Variants in DMD observed in about 807,000 individuals in gnomAD.
DMD encodes mutant dystrophin.
A neutral mutation model predicts 330.1 loss-of-function variants in DMD; 63 were observed. That is an observed-to-expected ratio of 0.19 (90% CI 0.16 to 0.24). The LOEUF is 0.24. Ranked by LOEUF, DMD falls within the 10% of genes least tolerant of loss-of-function variation. The pLI is 1.00. For missense variants in DMD, 3,344 were observed against 2,684.1 expected (o/e 1.25, Z -5.43); for synonymous variants, 1,223 against 959.8 (o/e 1.27, Z -5.07).
At chrX:33,012,623 G>A (rs1005332756) in intron 2 of DMD, among the ~76,000 whole-genome samples, 1 of 111,248 alleles carries the variant, frequency 9.0e-6, no homozygotes, top group African/African-American at 3.3e-5. Context: ...AGTAGAAACC[G>A]TATTTTGAGT....
At chrX:31,576,759 G>GTTTGTTTTTTTTTTTT (rs2076120970) in intron 55 of DMD, among the ~76,000 whole-genome samples, 1 of 103,656 alleles carries the variant, frequency 9.6e-6, no homozygotes, top group East Asian at 3.0e-4. Flanking sequence ...ATATGAGGTT[G>GTTTGTTTTTTTTTTTT]TTTTTTTTTG....
At chrX:32,183,573 T>A (rs201071240) in intron 44 of DMD, among the ~76,000 whole-genome samples, 590 of 26,738 alleles carry the variant, frequency 0.022, 3 homozygotes, top group African/African-American at 0.052. Context: ...TATATATAAA[T>A]ATATATATAT....
chrX:32,400,603 G>A (rs940831402), intron 30 of DMD, among the ~76,000 whole-genome samples: 1 of 110,544 alleles, frequency 9.0e-6, no homozygotes, highest in African/African-American at 3.3e-5. Flanking sequence ...CTGGCCATCA[G>A]AGAAATGCAA....
rs181703321 is a variant in DMD, at chrX:31,847,015, T to C, written c.7099-10196A>G. 4.5e-5 allele frequency among the ~76,000 whole-genome samples: 5 copies of C among 111,851 alleles called. No homozygotes were observed. In the East Asian group the frequency reaches 1.4e-3, roughly 31 times the overall value. On this transcript the variant is annotated intron_variant, in intron 48 of 78. Transcript: ENST00000357033. Reference sequence around the variant, plus strand: ...GCTACATGATGGACTGAAGAGCAGGTGGCATGCCAAATGAAATGTCCATAT... The same window carrying C: ...GCTACATGATGGACTGAAGAGCAGGCGGCATGCCAAATGAAATGTCCATAT...
chrX:31,447,587 G>T (rs756202850), intron 59 of DMD, among the ~76,000 whole-genome samples: 2 of 111,318 alleles, frequency 1.8e-5, no homozygotes, highest in South Asian at 7.5e-4. Context: ...AAAAAGAAAA[G>T]AAAAAAGTTA....
chrX:32,905,364 A>T (rs1485500026), intron 2 of DMD, among the ~76,000 whole-genome samples: 1 of 112,031 alleles, frequency 8.9e-6, no homozygotes, highest in African/African-American at 3.2e-5. Context: ...AATAATTTGA[A>T]CAATTTCCAG....
intron 60 of DMD, among the ~76,000 whole-genome samples, chrX:31,354,139 A>G (rs1171573944): frequency 9.0e-6 from 1 of 111,717 alleles, no homozygotes; most frequent in Admixed American, 9.5e-5. Flanking sequence ...CATCTCAGGA[A>G]AAAAAGGTCC....
chrX:32,631,797 C>T (rs1008506188), intron 11 of DMD, among the ~76,000 whole-genome samples: 12 of 111,452 alleles, frequency 1.1e-4, no homozygotes, highest in African/African-American at 2.3e-4. Flanking sequence ...AGAAATTCAA[C>T]GCCATGATTC....
chrX:32,315,353 A>AGGGAGGGGAACATCACACACT (rs1306807457), intron 41 of DMD, among the ~76,000 whole-genome samples: 2 of 108,898 alleles, frequency 1.8e-5, no homozygotes, highest in African/African-American at 6.7e-5. Flanking sequence ...ATATGGCCGC[A>AGGGAGGGGAACATCACACACT]GGGGCCTGTT....
chrX:31,949,416 T>A (rs978940511), intron 45 of DMD, among the ~76,000 whole-genome samples: 2 of 111,780 alleles, frequency 1.8e-5, no homozygotes, highest in African/African-American at 6.5e-5. Flanking sequence ...CTACAAAGAA[T>A]GAAATTATTT....
intron 59 of DMD, among the ~76,000 whole-genome samples, chrX:31,469,206 T>G (rs895972305): frequency 1.8e-5 from 2 of 111,664 alleles, no homozygotes; most frequent in African/African-American, 6.5e-5. Flanking sequence ...TTTGATCCTG[T>G]CATTATGATG....
At chrX:33,190,065 C>G (rs1031495274) in intron 1 of DMD, among the ~76,000 whole-genome samples, 1 of 111,578 alleles carries the variant, frequency 9.0e-6, no homozygotes, top group Non-Finnish European at 1.9e-5. Flanking sequence ...TAAATAATGA[C>G]TGTTATAATT....
chrX:32,706,754 G>A lies in DMD; in HGVS notation c.650-7461C>T, dbSNP rs1603216544. 4.5e-5 allele frequency among the ~76,000 whole-genome samples: 5 copies of A among 111,350 alleles called. No homozygotes were observed. The Admixed American group carries it at 4.8e-4, about 11-fold the overall frequency. On this transcript the variant is annotated intron_variant, in intron 7 of 78. Coordinates refer to ENST00000357033, the MANE Select transcript of DMD (RefSeq NM_004006.3). ...CAATACAAATGGAACTTATCATGCA[G>A]CCAATCCAGTAAATAATGGTAGCTG...
chrX:32,601,068 C>T (rs2056153084), intron 12 of DMD, among the ~76,000 whole-genome samples: 2 of 110,859 alleles, frequency 1.8e-5, no homozygotes, highest in Non-Finnish European at 3.8e-5. Flanking sequence ...CTCTTTTCCT[C>T]TATGCCCCAT....
intron 44 of DMD, among the ~76,000 whole-genome samples, chrX:32,102,801 C>T (rs919727143): frequency 1.8e-5 from 2 of 111,071 alleles, no homozygotes; most frequent in Non-Finnish European, 3.8e-5. Context: ...ACGAGTAGCT[C>T]CTTATTTTGA....
At chrX:31,715,935 C>T (rs1451603563) in intron 52 of DMD, among the ~76,000 whole-genome samples, 1 of 111,742 alleles carries the variant, frequency 8.9e-6, no homozygotes, top group African/African-American at 3.3e-5. Flanking sequence ...ACACTAGCTG[C>T]CAGCTCCCCT....
chrX:33,271,090 G>T, intron 1 of DMD, among the ~76,000 whole-genome samples: 1 of 111,254 alleles, frequency 9.0e-6, no homozygotes, highest in East Asian at 2.8e-4. Flanking sequence ...TACTATCAAT[G>T]AACATTTATT....
intron 76 of DMD, among the ~76,000 whole-genome samples, chrX:31,140,318 CTTTTT>C: frequency 8.9e-6 from 1 of 112,163 alleles, no homozygotes; most frequent in East Asian, 2.8e-4. Flanking sequence ...ATTATTTTCT[CTTTTT>C]TTTAAAAAGG....
At chrX:32,141,385 G>A (rs1795585) in intron 44 of DMD, among the ~76,000 whole-genome samples, 30,262 of 109,700 alleles carry the variant, frequency 0.28, 3,642 homozygotes, top group Non-Finnish European at 0.37. Context: ...GCAGTGAGCC[G>A]AGATCATACC....
Sources: gnomAD v4.1 joint callset for allele counts (sites outside exome capture counted in the v4.1 genomes callset) on GRCh38, gnomAD v4.1.1 for gene constraint, MANE v1.5 for transcripts, NCBI Gene and HGNC (gene_info 2026-07-23, HGNC 2026-07-21) for gene names.